Variants in EEA1 observed in about 807,000 individuals in gnomAD.
EEA1 encodes the protein early endosome antigen 1.
EEA1 carries 111 observed loss-of-function variants against 209.2 expected under a neutral mutation model. That is an observed-to-expected ratio of 0.53 (90% CI 0.45 to 0.62). The LOEUF is 0.62. Among genes scored for constraint, EEA1 ranks in the 20% least tolerant of loss-of-function variants. The probability of loss-of-function intolerance (pLI) is 0.00; values close to 1 mark genes in which losing one functional copy is unlikely to be tolerated. For synonymous variants in EEA1, 536 were observed against 540.6 expected, an observed-to-expected ratio of 0.99 and a Z score of 0.12; for missense variants, 1,343 against 1,530.8, an observed-to-expected ratio of 0.88 and a Z score of 2.05.
At chr12:92,898,663 C>CAA (rs111508712) in intron 1 of EEA1, among the ~76,000 whole-genome samples, 37 of 115,070 alleles carry the variant, frequency 3.2e-4, no homozygotes, top group African/African-American at 4.3e-4. Context: ...GACTCCATCT[C>CAA]AAAAAAAAAA....
At chr12:92,899,127 GGC>G (rs1163794446) in intron 1 of EEA1, among the ~76,000 whole-genome samples, 78 of 23,144 alleles carry the variant, frequency 3.4e-3, no homozygotes, top group Non-Finnish European at 5.9e-3. Context: ...TCTGGCCAAA[GGC>G]AAAAAAAAAA....
At chr12:92,874,146 C>T (rs1252742874) in intron 2 of EEA1, among the ~76,000 whole-genome samples, 2 of 151,308 alleles carry the variant, frequency 1.3e-5, no homozygotes, top group Non-Finnish European at 2.9e-5. Flanking sequence ...ATTCCCATCT[C>T]TACAAAAAAT....
intron 6 of EEA1, 111 bp downstream of exon 6, chr12:92,853,804 T>C (rs1877742801): frequency 1.1e-6 from 1 of 904,920 alleles, no homozygotes. Flanking sequence ...TTTAGAGTCA[T>C]AAAGCATAAC....
At chr12:92,909,554 T>C (rs1185923786) in intron 1 of EEA1, among the ~76,000 whole-genome samples, 2 of 152,238 alleles carry the variant, frequency 1.3e-5, no homozygotes, top group Non-Finnish European at 1.5e-5. Context: ...ATAGCTGTTA[T>C]CGCTTGAATG....
In EEA1 at chr12:92,772,965, C is replaced by G. The variant is rs1370852375; in HGVS notation, c.*3046G>C. The G allele has an allele frequency of 6.6e-6, 1 of 152,190 alleles. No individual in the cohort carries two copies. The highest frequency in any genetic ancestry group is 1.5e-5 in the Non-Finnish European group (1 of 67,728). 9.4% of individuals were successfully genotyped at this position (152,190 alleles called of 1,614,324 possible). The stretch of plus-strand genomic sequence containing the variant: ...TTAGTAAGTTTATGCACAATATTCA[C>G]ATCTGCAACAATAACAAATTGATCA... On this transcript the variant is annotated 3_prime_UTR_variant, in exon 29 of 29. Coordinates refer to ENST00000322349, the MANE Select transcript of EEA1 (RefSeq NM_003566.4).
chr12:92,929,015 T>A, intron 1 of EEA1, 28 bp downstream of exon 1: 1 of 1,584,062 alleles, frequency 6.3e-7, no homozygotes, highest in Middle Eastern at 1.7e-4. Flanking sequence ...GCTCACGTGC[T>A]GCCAGAAAGA....
intron 2 of EEA1, among the ~76,000 whole-genome samples, chr12:92,883,227 C>G (rs1014820665): frequency 2.6e-5 from 4 of 152,112 alleles, no homozygotes; most frequent in Admixed American, 6.5e-5. Flanking sequence ...AGTGTCTGTT[C>G]GTGTCTTTTG....
intron 22 of EEA1, among the ~76,000 whole-genome samples, chr12:92,783,247 A>G (rs1873986593): frequency 6.6e-6 from 1 of 152,140 alleles, no homozygotes; most frequent in African/African-American, 2.4e-5. Flanking sequence ...ATTTGATACT[A>G]TCTCTAGGGA....
At chr12:92,807,274 A>G (rs1875260511) in intron 18 of EEA1, among the ~76,000 whole-genome samples, 1 of 152,020 alleles carries the variant, frequency 6.6e-6, no homozygotes, top group African/African-American at 2.4e-5. Context: ...ATATATAACT[A>G]GGTATCAAAG....
chr12:92,846,661 T>C (rs2136705040), intron 9 of EEA1, among the ~76,000 whole-genome samples: 1 of 152,326 alleles, frequency 6.6e-6, no homozygotes, highest in East Asian at 1.9e-4. Context: ...TTCCAATCCA[T>C]AAAACAGCCA....
rs139800404 is a variant in EEA1, at chr12:92,868,641, A to G, written c.118-3654T>C. ...TTCATTCCTAATGAGAAATTTCAGA[A>G]ATCAGTAACATACATTTCATTATAG... On this transcript the variant is annotated intron_variant, in intron 2 of 28. Transcript: ENST00000322349. 6.4e-3 allele frequency among the ~76,000 whole-genome samples: 969 copies of G among 152,328 alleles called. 10 individuals are homozygous for G. Among genetic ancestry groups the G allele is most frequent in the African/African-American group, 0.022 (915 of 41,592 alleles).
At chr12:92,884,995 CTAAATGT>C in intron 2 of EEA1, among the ~76,000 whole-genome samples, 1 of 138,708 alleles carries the variant, frequency 7.2e-6, no homozygotes. Context: ...CTGTTGATTG[CTAAATGT>C]AAGTCTGATC....
Position 92,802,629 on chromosome 12 carries a change from A to G in EEA1, c.2445T>C (p.Asp815=). The part of the protein sequence containing the change: ...QEEEKKILKQ[D]FETLSQETKI... ...TTGTTTCTTGACTTAAAGTTTCAAAATCTTGTTTCAGGATTTTTTTTTCTT... is the reference window on the plus strand; with the variant it reads ...TTGTTTCTTGACTTAAAGTTTCAAAGTCTTGTTTCAGGATTTTTTTTTCTT... The change falls in exon 19 of 29, where the codon GAT becomes GAC. Residue 815 remains aspartate, a synonymous_variant. Transcript: ENST00000322349. 1 of 1,605,076 alleles carries G rather than the reference A, an allele frequency of 6.2e-7. No individual in the cohort carries two copies. The highest frequency in any genetic ancestry group is 1.7e-5 in the Admixed American group (1 of 57,950).
intron 26 of EEA1, 24 bp from the exon 27 acceptor site, chr12:92,777,687 A>C: frequency 6.2e-7 from 1 of 1,602,210 alleles, no homozygotes; most frequent in Non-Finnish European, 8.5e-7. Context: ...CAAAGAGGTA[A>C]TTAATTTTTT....
chr12:92,925,912 TAAAGG>T (rs1174059430), intron 1 of EEA1, among the ~76,000 whole-genome samples: 2 of 152,122 alleles, frequency 1.3e-5, no homozygotes. Flanking sequence ...AAATGCTATT[TAAAGG>T]AAACTATTCA....
intron 2 of EEA1, chr12:92,879,249 G>T: frequency 5.7e-6 from 2 of 350,152 alleles, no homozygotes; most frequent in South Asian, 2.1e-5. Context: ...ATACTTACCA[G>T]TTGGACATCC....
intron 9 of EEA1, among the ~76,000 whole-genome samples, chr12:92,845,430 A>T (rs9888394): frequency 0.28 from 43,153 of 152,036 alleles, 6,558 homozygotes; most frequent in Non-Finnish European, 0.32. Context: ...AGTAAATACA[A>T]TCCCTCTTCA....
At chr12:92,826,536 T>A (rs573641684) in intron 12 of EEA1, among the ~76,000 whole-genome samples, 1 of 150,014 alleles carries the variant, frequency 6.7e-6, no homozygotes, top group Non-Finnish European at 1.5e-5. Context: ...GGTGAAACCC[T>A]GTCTCTACTA....
intron 3 of EEA1, among the ~76,000 whole-genome samples, chr12:92,860,025 T>C (rs181905687): frequency 3.3e-5 from 5 of 152,348 alleles, no homozygotes; most frequent in Admixed American, 1.3e-4. Context: ...ACGCTCTTAA[T>C]TGCCACCTCT....
Sources: gnomAD v4.1 joint callset for allele counts (sites outside exome capture counted in the v4.1 genomes callset) on GRCh38, gnomAD v4.1.1 for gene constraint, MANE v1.5 for transcripts, NCBI Gene and HGNC (gene_info 2026-07-23, HGNC 2026-07-21) for gene names.